TNKS2: variants seen among roughly 807,000 people sequenced by gnomAD.
The protein encoded by TNKS2 is poly [ADP-ribose] polymerase tankyrase-2.
In TNKS2, 72 loss-of-function variants were observed where a neutral mutation model predicts 137.6. The observed-to-expected ratio is 0.52, with a 90% confidence interval of 0.43 to 0.64. The LOEUF (loss-of-function observed/expected upper bound fraction) is 0.64. Ranked by LOEUF, TNKS2 falls within the 30% of genes least tolerant of loss-of-function variation. The pLI is 0.00. For missense variants in TNKS2, 1,049 were observed against 1,410.2 expected (o/e 0.74, Z 4.10); for synonymous variants, 516 against 512.1 (o/e 1.01, Z -0.10).
At chr10:91,803,706 G>T (rs1053516643) in intron 1 of TNKS2, among the ~76,000 whole-genome samples, 1 of 152,212 alleles carries the variant, frequency 6.6e-6, no homozygotes, top group Non-Finnish European at 1.5e-5. Flanking sequence ...CTGGCTAAAG[G>T]TTGCTTGAAA....
At chr10:91,808,129 G>T (rs1844389444) in intron 1 of TNKS2, among the ~76,000 whole-genome samples, 1 of 151,958 alleles carries the variant, frequency 6.6e-6, no homozygotes, top group Non-Finnish European at 1.5e-5. Context: ...GGAGGTGGGA[G>T]ATAGACCAAC....
At chr10:91,820,943 C>T (rs915045823) in intron 6 of TNKS2, among the ~76,000 whole-genome samples, 1 of 152,190 alleles carries the variant, frequency 6.6e-6, no homozygotes, top group African/African-American at 2.4e-5. Flanking sequence ...TCCAGTGATA[C>T]ACATACGAAA....
At position 91,798,492 on chromosome 10, in the gene TNKS2, C is replaced by T. The variant is rs1270295318; in HGVS notation, c.-199C>T. 4.0e-6 allele frequency: 2 copies of T among 498,618 alleles called. No homozygotes were observed. The highest frequency in any genetic ancestry group is 5.9e-6 in the Non-Finnish European group (2 of 338,376). 30.9% of individuals were successfully genotyped at this position (498,618 alleles called of 1,614,324 possible). A position where few individuals can be genotyped will look rare whatever the true frequency, so the allele number is the denominator to read the frequency against. ...TCGCGCTGCCTCCGCCGCCGCGGGG[C>T]AGCCGGGGGGCAGGGAGCCCAGCGA... On this transcript the variant is annotated 5_prime_UTR_variant, in exon 1 of 27. Transcript: ENST00000371627.
Position 91,844,899 on chromosome 10 carries a change from T to C in TNKS2, c.2060-20T>C, listed in dbSNP as rs766753027. The C allele has an allele frequency of 1.9e-6, 3 of 1,552,896 alleles. No individual in the cohort carries two copies. Among genetic ancestry groups the C allele is most frequent in the Non-Finnish European group, 2.6e-6 (3 of 1,135,520 alleles). On this transcript the variant is annotated intron_variant, in intron 16 of 26. Transcript: ENST00000371627. ...AAAAGAAAAAACAAGTAAAGTAATT[T>C]TACTTCTTTTCTAAATTAGCTGGTT...
intron 3 of TNKS2, 144 bp downstream of exon 3, chr10:91,817,373 A>G (rs762908605): frequency 5.7e-6 from 3 of 522,674 alleles, no homozygotes; most frequent in Non-Finnish European, 1.0e-5. Context: ...ACGTCTAGAT[A>G]GCTGACATTT....
At chr10:91,835,207 A>T (rs887988106) in intron 12 of TNKS2, among the ~76,000 whole-genome samples, 1 of 151,572 alleles carries the variant, frequency 6.6e-6, no homozygotes, top group Non-Finnish European at 1.5e-5. Flanking sequence ...AAAAAAAATG[A>T]TATTTAATCT....
Position 91,857,437 on chromosome 10 carries a change from T to A in TNKS2, c.3001T>A (p.Cys1001Ser), listed in dbSNP as rs765116628. Residue 1001 changes from cysteine (C) to serine (S), a missense_variant, in exon 24 of 27, where the codon TGT (cysteine) becomes AGT (serine). By Grantham distance (112) the Cys-to-Ser change is moderately radical. Coordinates refer to ENST00000371627, the MANE Select transcript of TNKS2 (RefSeq NM_025235.4). The part of the protein sequence containing the change: ...RYNILKIQKV[C>S]NKKLWERYTH... ...TTATTTTTTATAGATTCAGAAGGTT[T>A]GTAACAAGAAACTATGGGAAAGATA... The A allele has an allele frequency of 1.2e-6, 2 of 1,605,680 alleles. No individual in the cohort carries two copies. Among genetic ancestry groups the A allele is most frequent in the Non-Finnish European group, 1.7e-6 (2 of 1,175,140 alleles).
intron 16 of TNKS2, among the ~76,000 whole-genome samples, chr10:91,842,906 T>G (rs1033337926): frequency 1.3e-5 from 2 of 152,236 alleles, no homozygotes; most frequent in Admixed American, 6.5e-5. Context: ...TATGTTACAT[T>G]CAGTAAGAAC....
At position 91,798,456 on chromosome 10, in the gene TNKS2, G is replaced by C. The variant is rs879115409; in HGVS notation, c.-235G>C. 3 of 324,828 alleles carry C rather than the reference G, an allele frequency of 9.2e-6. No homozygotes were observed. Among genetic ancestry groups the C allele is most frequent in the Middle Eastern group, 8.7e-4 (1 of 1,156 alleles). The allele number at this position is 324,828 out of a possible 1,614,324, so 20.1% of individuals were successfully genotyped here. A position where few individuals can be genotyped will look rare whatever the true frequency, so the allele number is the denominator to read the frequency against. ...CCGCCGCCGCGTCGTTTCAGGACCC[G>C]GACGGCGGATTCGCGCTGCCTCCGC... On this transcript the variant is annotated 5_prime_UTR_variant, in exon 1 of 27. Transcript: ENST00000371627.
In TNKS2 at chr10:91,855,084, T is replaced by A; in HGVS notation, c.2871T>A (p.Asp957Glu). The change falls in exon 22 of 27, where the codon GAT becomes GAA. Residue 957 changes from aspartate to glutamate, a missense_variant. Physicochemically the swap from Asp to Glu is conservative, Grantham distance 45. This residue lies in a region of TNKS2 where 208 missense variants were observed against 231.2 expected (regional missense o/e 0.90). Coordinates refer to ENST00000371627, the MANE Select transcript of TNKS2 (RefSeq NM_025235.4). ...NTSGSGTILI[D>E]LSPDDKEFQS... ...CTGGTAGTGGAACAATTCTTATAGA[T>A]CTGTCTCCTGATGATAAAGAGTTTC... 1 of 1,612,426 alleles carries A rather than the reference T, an allele frequency of 6.2e-7. No individual in the cohort carries two copies. The highest frequency in any genetic ancestry group is 8.5e-7 in the Non-Finnish European group (1 of 1,178,768).
At chr10:91,829,604 T>C (rs1845174360) in intron 9 of TNKS2, among the ~76,000 whole-genome samples, 1 of 152,150 alleles carries the variant, frequency 6.6e-6, no homozygotes, top group South Asian at 2.1e-4. Flanking sequence ...CCATGTCTGG[T>C]CTCTGCGCTC....
At chr10:91,812,321 G>C (rs1463010500) in intron 1 of TNKS2, among the ~76,000 whole-genome samples, 1 of 152,150 alleles carries the variant, frequency 6.6e-6, no homozygotes, top group Non-Finnish European at 1.5e-5. Flanking sequence ...GGGGGCAGTT[G>C]AGCAGAACTG....
chr10:91,806,755 A>G (rs543437039), intron 1 of TNKS2, among the ~76,000 whole-genome samples: 1 of 152,352 alleles, frequency 6.6e-6, no homozygotes, highest in African/African-American at 2.4e-5. Context: ...ATTGGTCACA[A>G]CAGCATACAT....
At chr10:91,825,283 T>G (rs1845032315) in intron 7 of TNKS2, among the ~76,000 whole-genome samples, 1 of 152,028 alleles carries the variant, frequency 6.6e-6, no homozygotes, top group African/African-American at 2.4e-5. Flanking sequence ...TTTTATTTTT[T>G]GTAGAGATAG....
chr10:91,863,198 T>G lies in TNKS2; in HGVS notation c.*199T>G. On this transcript the variant is annotated 3_prime_UTR_variant, in exon 27 of 27. Transcript: ENST00000371627. The stretch of plus-strand genomic sequence containing the variant: ...AGTGTTTTCTAAATATTTCCTGTTT[T>G]TTCAGCACTTTAACAGATGCCATTC... 1 of 413,090 alleles carries G rather than the reference T, an allele frequency of 2.4e-6. No individual in the cohort carries two copies. The highest frequency in any genetic ancestry group is 3.4e-5 in the East Asian group (1 of 29,086). The allele number at this position is 413,090 out of a possible 1,614,324, so 25.6% of individuals were successfully genotyped here.
At chr10:91,800,198 A>G (rs1564598598) in intron 1 of TNKS2, among the ~76,000 whole-genome samples, 2 of 152,206 alleles carry the variant, frequency 1.3e-5, no homozygotes, top group Non-Finnish European at 2.9e-5. Context: ...AGAATACTTA[A>G]GTCAAACACA....
At chr10:91,855,243 T>C in intron 22 of TNKS2, 117 bp downstream of exon 22, 1 of 691,690 alleles carries the variant, frequency 1.4e-6, no homozygotes, top group Non-Finnish European at 2.5e-6. Context: ...ATAAAATCTG[T>C]TTTCAAGCTG....
rs1000715473 is a variant in TNKS2, at chr10:91,798,493, A to C, written c.-198A>C. 3.1e-4 allele frequency: 152 copies of C among 490,238 alleles called. No individual in the cohort carries two copies. Among genetic ancestry groups the C allele is most frequent in the Non-Finnish European group, 4.5e-4 (151 of 332,586 alleles). The allele number at this position is 490,238 out of a possible 1,614,324, so 30.4% of individuals were successfully genotyped here. A position where few individuals can be genotyped will look rare whatever the true frequency, so the allele number is the denominator to read the frequency against. On this transcript the variant is annotated 5_prime_UTR_variant, in exon 1 of 27. Transcript: ENST00000371627. ...CGCGCTGCCTCCGCCGCCGCGGGGC[A>C]GCCGGGGGGCAGGGAGCCCAGCGAG...
At chr10:91,849,835 A>C (rs796373486) in intron 20 of TNKS2, among the ~76,000 whole-genome samples, 3 of 152,288 alleles carry the variant, frequency 2.0e-5, no homozygotes, top group African/African-American at 7.2e-5. Context: ...TAGCTTATTC[A>C]GTTCTTGAAG....
Sources: gnomAD v4.1 joint callset for allele counts (sites outside exome capture counted in the v4.1 genomes callset) on GRCh38, gnomAD v4.1.1 for gene constraint, gnomAD v4.1.1 regional missense constraint, MANE v1.5 for transcripts, NCBI Gene and HGNC (gene_info 2026-07-23, HGNC 2026-07-21) for gene names.